The following IPO9 variants were observed in gnomAD, a reference collection of about 807,000 sequenced individuals.
IPO9 encodes importin 9.
IPO9 carries 28 observed loss-of-function variants against 128.6 expected under a neutral mutation model. That is an observed-to-expected ratio of 0.22 (90% CI 0.16 to 0.30). IPO9 has a LOEUF of 0.30. IPO9 is among the 10% of genes least tolerant of loss of function. IPO9 has a pLI of 1.00. For synonymous variants in IPO9, 455 were observed against 475.8 expected (o/e 0.96, Z 0.57); for missense variants, 935 against 1,293.9 (o/e 0.72, Z 4.26).
chr1:201,858,824 T>A (rs779729706), intron 12 of IPO9, 31 bp from the exon 13 acceptor site: 4 of 1,573,584 alleles, frequency 2.5e-6, no homozygotes, highest in Non-Finnish European at 3.5e-6. Context: ...CAGTTTAGTA[T>A]GTTTTACTAG....
At chr1:201,864,993 C>G (rs559927749) in intron 14 of IPO9, among the ~76,000 whole-genome samples, 140 of 152,254 alleles carry the variant, frequency 9.2e-4, no homozygotes, top group African/African-American at 3.2e-3. Context: ...AATGGACACT[C>G]ATATATGTTT....
rs531831215 is a variant in IPO9 at position 201,829,446 on chromosome 1, G to T, written c.163+74G>T. 3.8e-5 allele frequency: 54 copies of T among 1,402,712 alleles called. No individual in the cohort carries two copies. The African/African-American group carries it at 5.1e-4, about 13-fold the overall frequency. 86.9% of individuals were successfully genotyped at this position (1,402,712 alleles called of 1,614,324 possible). ...TGACCGCAGCTCCGTACCGGCTGGG[G>T]ACATGGGGAGCCTGAGCCAGTTGGA... On this transcript the variant is annotated intron_variant, in intron 1 of 23. Transcript: ENST00000361565.
At chr1:201,849,537 T>C (rs1680180833) in intron 4 of IPO9, among the ~76,000 whole-genome samples, 1 of 152,258 alleles carries the variant, frequency 6.6e-6, no homozygotes, top group African/African-American at 2.4e-5. Context: ...CTAGCTTACC[T>C]GATATGTATT....
At chr1:201,871,131 C>T (rs1680643258) in intron 18 of IPO9, 30 bp from the exon 19 acceptor site, 1 of 1,605,148 alleles carries the variant, frequency 6.2e-7, no homozygotes, top group African/African-American at 1.3e-5. Context: ...AATTGATTTC[C>T]CTGAAGCAAA....
At position 201,870,699 on chromosome 1, in the gene IPO9, C is replaced by T. The variant is rs754745602; in HGVS notation, c.2250C>T (p.Leu750=). The T allele has an allele frequency of 3.1e-6, 5 of 1,614,208 alleles. No individual in the cohort carries two copies. The highest frequency in any genetic ancestry group is 4.5e-5 in the East Asian group (2 of 44,880). Residue 750 remains leucine (L), a synonymous_variant, in exon 18 of 24, where the codon CTC becomes CTT. Transcript: ENST00000361565. The surrounding 1 kb of genome is among the most constrained non-coding windows in gnomAD (Gnocchi z 4.9). ...ATGTGATGCAAGTGGTGAGCCAGCT[C>T]CTGGACCCCCGCACCTCAGAGTTCA... The part of the protein sequence containing the change: ...LWYVMQVVSQ[L]LDPRTSEFTA...
At chr1:201,857,227 T>A (rs1347630378) in intron 11 of IPO9, 33 bp downstream of exon 11, 8 of 1,339,282 alleles carry the variant, frequency 6.0e-6, no homozygotes, top group Middle Eastern at 1.8e-4. Flanking sequence ...GCCACATAAT[T>A]TCTATCAGTC....
rs772643656 is a variant in IPO9, at chr1:201,871,335, C to G, written c.2576+8C>G. ...GTATGAAGGCAAAGTCAGGTAGAAC[C>G]TCATCTTTCTTTTCTGGGCATTCTG... On this transcript the variant is annotated splice_region_variant and intron_variant, in intron 19 of 23. Coordinates refer to ENST00000361565, the MANE Select transcript of IPO9 (RefSeq NM_018085.5). 5.6e-5 allele frequency: 86 copies of G among 1,533,168 alleles called. No homozygotes were observed. Among genetic ancestry groups the G allele is most frequent in the Admixed American group, 2.1e-4 (11 of 53,430 alleles). 95.0% of individuals were successfully genotyped at this position (1,533,168 alleles called of 1,614,324 possible).
chr1:201,848,647 G>A (rs1680162292), intron 4 of IPO9, 53 bp downstream of exon 4: 1 of 1,563,060 alleles, frequency 6.4e-7, no homozygotes, highest in Admixed American at 1.7e-5. Flanking sequence ...AGCGACAGGA[G>A]TATTACCAGA....
chr1:201,869,824 C>G, intron 17 of IPO9, 106 bp downstream of exon 17: 1 of 1,337,796 alleles, frequency 7.5e-7, no homozygotes, highest in Non-Finnish European at 1.0e-6. Flanking sequence ...ATACGGAATT[C>G]TCAACTCCAT....
intron 6 of IPO9, 103 bp downstream of exon 6, chr1:201,853,200 C>G (rs1160362855): frequency 1.0e-5 from 9 of 860,640 alleles, no homozygotes; most frequent in Non-Finnish European, 1.6e-5. Flanking sequence ...GCACACTAAC[C>G]AGTATTAGAG....
chr1:201,851,271 C>T (rs963775120), intron 4 of IPO9, among the ~76,000 whole-genome samples: 17 of 151,486 alleles, frequency 1.1e-4, no homozygotes, highest in African/African-American at 4.1e-4. Flanking sequence ...CCTGCCTCAA[C>T]CTCCCAAAGC....
At chr1:201,839,513 A>G (rs1174349895) in intron 1 of IPO9, among the ~76,000 whole-genome samples, 1 of 148,292 alleles carries the variant, frequency 6.7e-6, no homozygotes, top group Non-Finnish European at 1.5e-5. Context: ...GTGATCCGAG[A>G]TCATGACACT....
intron 4 of IPO9, among the ~76,000 whole-genome samples, chr1:201,849,932 A>T (rs2102875683): frequency 6.6e-6 from 1 of 152,290 alleles, no homozygotes; most frequent in East Asian, 1.9e-4. Flanking sequence ...TTGGCCTTTT[A>T]GGATTCTTTA....
chr1:201,875,376 G>C (rs1325037434), intron 23 of IPO9, 148 bp downstream of exon 23: 4 of 722,118 alleles, frequency 5.5e-6, no homozygotes, highest in Non-Finnish European at 9.8e-6. Context: ...GATTGCTTAA[G>C]CCCAGGAGTT....
intron 1 of IPO9, among the ~76,000 whole-genome samples, chr1:201,838,668 AT>A (rs1273311014): frequency 2.8e-4 from 43 of 152,200 alleles, no homozygotes; most frequent in Admixed American, 3.9e-4. Context: ...AAAAAAAAAA[AT>A]CCACTTTCCT....
chr1:201,840,923 A>G (rs1680024423), intron 1 of IPO9, among the ~76,000 whole-genome samples: 1 of 152,206 alleles, frequency 6.6e-6, no homozygotes, highest in African/African-American at 2.4e-5. Context: ...TGGGTGGGGA[A>G]TAGTTGTAAA....
chr1:201,848,188 GC>G lies in IPO9; in HGVS notation c.313-204del, dbSNP rs561636725. 3.9e-5 allele frequency among the ~76,000 whole-genome samples: 6 copies of G among 152,302 alleles called. No homozygotes were observed. The South Asian group carries it at 1.2e-3, about 32-fold the overall frequency. On this transcript the variant is annotated intron_variant, in intron 3 of 23. Coordinates refer to ENST00000361565, the MANE Select transcript of IPO9 (RefSeq NM_018085.5). ...TTTAAAATGTTAATAGCTATGTATAGCTAGTGGCTACTGTAATGGACTGCAT... is the reference window on the plus strand; with the variant it reads ...TTTAAAATGTTAATAGCTATGTATAGTAGTGGCTACTGTAATGGACTGCAT...
At chr1:201,829,770 T>G (rs1571533580) in intron 1 of IPO9, among the ~76,000 whole-genome samples, 1 of 151,734 alleles carries the variant, frequency 6.6e-6, no homozygotes, top group South Asian at 2.1e-4. Context: ...GGGATAAGAG[T>G]AGGGGGAGCT....
intron 19 of IPO9, 83 bp from the exon 20 acceptor site, chr1:201,872,745 G>A: frequency 6.8e-7 from 1 of 1,469,534 alleles, no homozygotes; most frequent in South Asian, 1.3e-5. Flanking sequence ...CAAATAGAGG[G>A]TCTTAGGACA....
Sources: allele counts gnomAD v4.1 joint callset (sites outside exome capture counted in the v4.1 genomes callset), GRCh38; gene constraint gnomAD v4.1.1; non-coding constraint Gnocchi (gnomAD v3.1); transcripts MANE v1.5; gene names NCBI Gene and HGNC (gene_info 2026-07-23, HGNC 2026-07-21).